The following ERC2 variants were observed in gnomAD, a reference collection of about 807,000 sequenced individuals.
The protein encoded by ERC2 is ERC protein 2.
ERC2 carries 42 observed loss-of-function variants against 114.8 expected under a neutral mutation model. The ratio of observed to expected loss-of-function variants is 0.37; its 90% CI spans 0.29 to 0.47. The LOEUF (loss-of-function observed/expected upper bound fraction) is 0.47. Ranked by LOEUF, ERC2 falls within the 20% of genes least tolerant of loss-of-function variation. The pLI is 0.99. For missense variants in ERC2, 939 were observed against 1,150.7 expected (o/e 0.82, Z 2.66); for synonymous variants, 454 against 425.5 (o/e 1.07, Z -0.82).
chr3:55,913,595 T>C (rs2064934806), intron 13 of ERC2, among the ~76,000 whole-genome samples: 1 of 152,172 alleles, frequency 6.6e-6, no homozygotes, highest in Admixed American at 6.5e-5. Context: ...TAAAAATTGC[T>C]TCTACAAAAG....
intron 12 of ERC2, among the ~76,000 whole-genome samples, chr3:55,965,193 T>C (rs761417544): frequency 6.6e-6 from 1 of 152,112 alleles, no homozygotes; most frequent in Admixed American, 6.5e-5. Context: ...GGGGTGGAGA[T>C]CATGGGACCA....
At chr3:55,850,056 G>A (rs2061507168) in intron 14 of ERC2, among the ~76,000 whole-genome samples, 1 of 152,128 alleles carries the variant, frequency 6.6e-6, no homozygotes, top group Non-Finnish European at 1.5e-5. Context: ...CTAATTTCTG[G>A]TGATGGCCAG....
chr3:56,376,868 A>G (rs1340272383), intron 2 of ERC2, among the ~76,000 whole-genome samples: 1 of 152,198 alleles, frequency 6.6e-6, no homozygotes, highest in East Asian at 1.9e-4. Flanking sequence ...AGAGAAAAGT[A>G]CAGTAATTAA....
At chr3:56,193,245 G>A (rs1439857218) in intron 3 of ERC2, among the ~76,000 whole-genome samples, 1 of 152,138 alleles carries the variant, frequency 6.6e-6, no homozygotes, top group African/African-American at 2.4e-5. Flanking sequence ...ACTGTGTGCT[G>A]GCTCACGTCT....
intron 7 of ERC2, among the ~76,000 whole-genome samples, chr3:56,041,166 A>G (rs2075168256): frequency 1.3e-5 from 2 of 152,052 alleles, no homozygotes; most frequent in Non-Finnish European, 2.9e-5. Context: ...TTTCTATTGT[A>G]TCTTGGACAT....
chr3:55,928,766 AT>A (rs1254854501), intron 13 of ERC2, among the ~76,000 whole-genome samples: 2 of 152,118 alleles, frequency 1.3e-5, no homozygotes, highest in African/African-American at 4.8e-5. Flanking sequence ...TCTTTTCTAC[AT>A]TTTGATTTGA....
intron 3 of ERC2, among the ~76,000 whole-genome samples, chr3:56,256,758 TTC>T (rs1415676061): frequency 1.3e-5 from 2 of 152,118 alleles, no homozygotes; most frequent in African/African-American, 4.8e-5. Flanking sequence ...AGTGAATGAG[TTC>T]TCATGAGATC....
chr3:55,800,432 G>A (rs959392549), intron 14 of ERC2, among the ~76,000 whole-genome samples: 11 of 152,070 alleles, frequency 7.2e-5, no homozygotes, highest in Non-Finnish European at 1.0e-4. Flanking sequence ...GTGAGCCACC[G>A]CGCCTAGCCG....
chr3:55,798,669 T>G (rs2070723860), intron 14 of ERC2, among the ~76,000 whole-genome samples: 1 of 151,388 alleles, frequency 6.6e-6, no homozygotes, highest in Non-Finnish European at 1.5e-5. Flanking sequence ...ACAGCCAAGT[T>G]TTCCACAGCA....
intron 3 of ERC2, among the ~76,000 whole-genome samples, chr3:56,283,147 C>T (rs945312478): frequency 2.0e-5 from 3 of 152,232 alleles, no homozygotes; most frequent in Non-Finnish European, 4.4e-5. Context: ...GTTTTTAAGG[C>T]ATCTCAAGCT....
intron 17 of ERC2, among the ~76,000 whole-genome samples, chr3:55,617,018 T>C (rs1018265712): frequency 6.6e-6 from 1 of 152,132 alleles, no homozygotes; most frequent in Non-Finnish European, 1.5e-5. Flanking sequence ...GCTTTGCCGA[T>C]GGAAGGCAGG....
chr3:56,179,617 G>A (rs1191017627), intron 3 of ERC2, among the ~76,000 whole-genome samples: 3 of 151,982 alleles, frequency 2.0e-5, no homozygotes, highest in African/African-American at 4.8e-5. Flanking sequence ...TTGAACATGA[G>A]GTGGACTTGG....
intron 17 of ERC2, among the ~76,000 whole-genome samples, chr3:55,652,219 T>C (rs776346555): frequency 6.6e-6 from 1 of 152,258 alleles, no homozygotes; most frequent in Non-Finnish European, 1.5e-5. Context: ...CTGTGTTTAT[T>C]TATCATCTAC....
At chr3:56,020,974 G>C (rs2073676557) in intron 7 of ERC2, among the ~76,000 whole-genome samples, 1 of 152,110 alleles carries the variant, frequency 6.6e-6, no homozygotes, top group Non-Finnish European at 1.5e-5. Context: ...AATAGGGATG[G>C]TGGAGACTGG....
intron 11 of ERC2, 51 bp downstream of exon 11, chr3:55,992,006 C>G (rs4974160): frequency 0.15 from 233,019 of 1,536,078 alleles, 19,268 homozygotes; most frequent in South Asian, 0.24. Context: ...TGGGCAACCA[C>G]GCAGTCCATG....
At chr3:56,414,165 C>CA (rs2061052548) in intron 2 of ERC2, among the ~76,000 whole-genome samples, 1 of 152,338 alleles carries the variant, frequency 6.6e-6, no homozygotes, top group South Asian at 2.1e-4. Flanking sequence ...AGGGCCTCTG[C>CA]ATCTGCCTTC....
intron 17 of ERC2, among the ~76,000 whole-genome samples, chr3:55,649,258 AT>A (rs56806592): frequency 0.68 from 80,573 of 119,156 alleles, 26,456 homozygotes; most frequent in East Asian, 0.86. Context: ...CCAACGCTGA[AT>A]TTTTTTTTTT....
At chr3:55,561,994 C>T (rs2056056646) in intron 17 of ERC2, among the ~76,000 whole-genome samples, 1 of 152,106 alleles carries the variant, frequency 6.6e-6, no homozygotes, top group Admixed American at 6.5e-5. Flanking sequence ...ATGTGAAAGG[C>T]AGTTTAAGAA....
At chr3:55,632,398 T>TA (rs1248700804) in intron 17 of ERC2, among the ~76,000 whole-genome samples, 1 of 151,648 alleles carries the variant, frequency 6.6e-6, no homozygotes, top group Non-Finnish European at 1.5e-5. Context: ...CAAGCTCATA[T>TA]TTTTTTTTCC....
Sources: gnomAD v4.1 joint callset for allele counts (sites outside exome capture counted in the v4.1 genomes callset) on GRCh38, gnomAD v4.1.1 for gene constraint, MANE v1.5 for transcripts, NCBI Gene and HGNC (gene_info 2026-07-23, HGNC 2026-07-21) for gene names.